Variants in AFAP1 observed in about 807,000 individuals in gnomAD.
AFAP1 encodes actin filament associated protein 1.
A neutral mutation model predicts 93.9 loss-of-function variants in AFAP1; 75 were observed. That is an observed-to-expected ratio of 0.80 (90% CI 0.66 to 0.97). The LOEUF (loss-of-function observed/expected upper bound fraction) is 0.97, where lower values mean the gene tolerates loss of function less well. AFAP1 is among the 50% of genes least tolerant of loss of function. The pLI is 0.00. For missense variants in AFAP1, 1,201 were observed against 1,050.8 expected, an observed-to-expected ratio of 1.14 and a Z score of -1.98; for synonymous variants, 517 against 430.7, an observed-to-expected ratio of 1.20 and a Z score of -2.48.
intron 11 of AFAP1, among the ~76,000 whole-genome samples, chr4:7,788,151 G>A (rs565077343): frequency 9.2e-5 from 14 of 152,354 alleles, no homozygotes; most frequent in African/African-American, 2.6e-4. Flanking sequence ...GCCGGGTTCC[G>A]AAGCCACGGG....
Position 7,763,357 on chromosome 4 carries a change from G to A in AFAP1, c.*408C>T. 1 of 203,054 alleles carries A rather than the reference G, an allele frequency of 4.9e-6. No individual in the cohort carries two copies. Among genetic ancestry groups the A allele is most frequent in the Non-Finnish European group, 9.9e-6 (1 of 100,694 alleles). 12.6% of individuals were successfully genotyped at this position (203,054 alleles called of 1,614,324 possible). A position where few individuals can be genotyped will look rare whatever the true frequency, so the allele number is the denominator to read the frequency against. ...GCCAGCCACACTCATGCCCGGGGCAGCCGGGGATCCAAGCTCTTCCCTGTC... is the reference window on the plus strand; with the variant it reads ...GCCAGCCACACTCATGCCCGGGGCAACCGGGGATCCAAGCTCTTCCCTGTC... On this transcript the variant is annotated 3_prime_UTR_variant, in exon 18 of 18. Coordinates refer to ENST00000420658, the MANE Select transcript of AFAP1 (RefSeq NM_001134647.2).
At chr4:7,764,271 T>G (rs1339722301) in intron 17 of AFAP1, among the ~76,000 whole-genome samples, 1 of 152,126 alleles carries the variant, frequency 6.6e-6, no homozygotes, top group East Asian at 1.9e-4. Flanking sequence ...CTGGGTGCAG[T>G]GGCTCACGCC....
At chr4:7,783,363 C>G (rs1716961541) in intron 12 of AFAP1, among the ~76,000 whole-genome samples, 1 of 152,228 alleles carries the variant, frequency 6.6e-6, no homozygotes, top group African/African-American at 2.4e-5. Flanking sequence ...TGGTCTCGAA[C>G]TCCTGGCCTT....
At chr4:7,852,622 A>C (rs558611362) in intron 4 of AFAP1, among the ~76,000 whole-genome samples, 1 of 152,234 alleles carries the variant, frequency 6.6e-6, no homozygotes, top group African/African-American at 2.4e-5. Context: ...AAGCTGAATC[A>C]CCCACCAAGA....
At chr4:7,938,639 T>G (rs1721528489) in intron 1 of AFAP1, among the ~76,000 whole-genome samples, 1 of 152,312 alleles carries the variant, frequency 6.6e-6, no homozygotes, top group East Asian at 1.9e-4. Flanking sequence ...TGGATGCTCC[T>G]GCTTGAAACG....
intron 14 of AFAP1, chr4:7,777,545 C>T (rs1219099255): frequency 2.0e-5 from 3 of 152,214 alleles, no homozygotes; most frequent in East Asian, 1.9e-4. Context: ...CGGCACGTGT[C>T]GGTATGGCAG....
chr4:7,800,774 G>A (rs1233125149), intron 9 of AFAP1, 121 bp from the exon 10 acceptor site: 7 of 936,666 alleles, frequency 7.5e-6, no homozygotes, highest in African/African-American at 1.6e-5. Context: ...TCCTTCACAC[G>A]ATCGATCAAG....
intron 9 of AFAP1, among the ~76,000 whole-genome samples, chr4:7,801,111 G>T (rs1226195602): frequency 6.6e-6 from 1 of 152,160 alleles, no homozygotes; most frequent in African/African-American, 2.4e-5. Context: ...GGCTTAACAT[G>T]AAGAAACAAA....
At chr4:7,878,617 C>T (rs1246759537) in intron 1 of AFAP1, among the ~76,000 whole-genome samples, 2 of 152,152 alleles carry the variant, frequency 1.3e-5, no homozygotes, top group Admixed American at 6.5e-5. Flanking sequence ...AGCTCCTTAC[C>T]GATGTTTAAT....
At chr4:7,849,192 C>T (rs1714151773) in intron 4 of AFAP1, among the ~76,000 whole-genome samples, 1 of 152,128 alleles carries the variant, frequency 6.6e-6, no homozygotes, top group Non-Finnish European at 1.5e-5. Context: ...AGGAGACCCA[C>T]CAGGCGTCTC....
chr4:7,811,529 C>T (rs1441650587), intron 8 of AFAP1, among the ~76,000 whole-genome samples: 2 of 152,100 alleles, frequency 1.3e-5, no homozygotes. Context: ...CCTGGTGCCC[C>T]CACCACAGCC....
chr4:7,769,434 CAGCACTGGCTAACGGG>C (rs1177737293), intron 16 of AFAP1, among the ~76,000 whole-genome samples: 1 of 152,246 alleles, frequency 6.6e-6, no homozygotes, highest in Non-Finnish European at 1.5e-5. Flanking sequence ...GCACTCACGG[CAGCACTGGCTAACGGG>C]ATGCAGCCCC....
chr4:7,838,770 T>G, intron 5 of AFAP1, 67 bp from the exon 6 acceptor site: 2 of 1,560,788 alleles, frequency 1.3e-6, no homozygotes. Context: ...GAGGAAGCTC[T>G]AGCATCATGA....
chr4:7,847,437 T>C (rs1304339408), intron 4 of AFAP1, among the ~76,000 whole-genome samples: 1 of 152,144 alleles, frequency 6.6e-6, no homozygotes, highest in Non-Finnish European at 1.5e-5. Context: ...AAAGTATGCT[T>C]AGCAATGACC....
At position 7,939,517 on chromosome 4, in the gene AFAP1, C is replaced by A. The variant is rs1721610324; in HGVS notation, c.-3+139G>T. ...ACGCGGCGTCGCAGCAGGCGCGGAG[C>A]CCCCGGTACCACCCGAGGCCGAGAC... On this transcript the variant is annotated intron_variant, in intron 1 of 17. Coordinates refer to ENST00000420658, the MANE Select transcript of AFAP1 (RefSeq NM_001134647.2). The surrounding 1 kb of genome is among the most constrained non-coding windows in gnomAD (Gnocchi z 5.6). 2 of 339,346 alleles carry A rather than the reference C, an allele frequency of 5.9e-6. No homozygotes were observed. The highest frequency in any genetic ancestry group is 4.1e-5 in the Admixed American group (1 of 24,332). The allele number at this position is 339,346 out of a possible 1,614,324, so 21.0% of individuals were successfully genotyped here. A position where few individuals can be genotyped will look rare whatever the true frequency, so the allele number is the denominator to read the frequency against.
At chr4:7,764,015 A>T (rs1714188565) in intron 17 of AFAP1, among the ~76,000 whole-genome samples, 2 of 152,214 alleles carry the variant, frequency 1.3e-5, no homozygotes. Flanking sequence ...TCACAGCAGC[A>T]TGACTCACAC....
intron 4 of AFAP1, among the ~76,000 whole-genome samples, chr4:7,845,102 T>C (rs1244267958): frequency 1.3e-5 from 2 of 151,968 alleles, no homozygotes; most frequent in Non-Finnish European, 2.9e-5. Context: ...AGATTTAGAG[T>C]TTAAGTTGAA....
chr4:7,761,144 AT>A lies in AFAP1; in HGVS notation c.*2620del, dbSNP rs1713726808. 6.6e-6 allele frequency: 1 copy of A among 152,194 alleles called. No homozygotes were observed. The highest frequency in any genetic ancestry group is 2.4e-5 in the African/African-American group (1 of 41,464). 9.4% of individuals were successfully genotyped at this position (152,194 alleles called of 1,614,324 possible). On this transcript the variant is annotated 3_prime_UTR_variant, in exon 18 of 18. Coordinates refer to ENST00000420658, the MANE Select transcript of AFAP1 (RefSeq NM_001134647.2). ...TCGCGTGTGTCTAATATGTACAGAT[AT>A]AAATTAAAAACTATATTTATTGAAC... is the stretch of plus-strand genomic sequence containing the variant.
intron 1 of AFAP1, among the ~76,000 whole-genome samples, chr4:7,873,242 CAAA>C (rs1195209480): frequency 1.6e-5 from 1 of 64,124 alleles, no homozygotes; most frequent in Non-Finnish European, 2.7e-5. Context: ...GACTCTGTCT[CAAA>C]AAAAAAAAAA....
Sources: allele counts gnomAD v4.1 joint callset (sites outside exome capture counted in the v4.1 genomes callset), GRCh38; gene constraint gnomAD v4.1.1; non-coding constraint Gnocchi (gnomAD v3.1); transcripts MANE v1.5; gene names NCBI Gene and HGNC (gene_info 2026-07-23, HGNC 2026-07-21).